Variants in AKR1C3 observed in about 807,000 individuals in gnomAD.
The protein encoded by AKR1C3 is 3-alpha hydroxysteroid dehydrogenase, type II.
In AKR1C3, 48 loss-of-function variants were observed where a neutral mutation model predicts 43.6. The ratio of observed to expected loss-of-function variants is 1.10; its 90% confidence interval spans 0.87 to 1.40. The LOEUF (loss-of-function observed/expected upper bound fraction) is 1.40. AKR1C3 is among the 40% of genes most tolerant of loss of function. The probability of loss-of-function intolerance (pLI) is 0.00; values close to 1 mark genes in which losing one functional copy is unlikely to be tolerated. For synonymous variants in AKR1C3, 162 were observed against 139.6 expected (o/e 1.16, Z -1.13); for missense variants, 482 against 391.2 (o/e 1.23, Z -1.96).
chr10:5,098,950 G>A (rs1172640006), intron 4 of AKR1C3, 71 bp downstream of exon 4: 1 of 1,247,784 alleles, frequency 8.0e-7, no homozygotes, highest in Non-Finnish European at 1.1e-6. Context: ...GGTTCAATAG[G>A]AAAGAATGGA....
At chr10:5,083,911 T>A (rs1405702501) in intron 1 of AKR1C3, among the ~76,000 whole-genome samples, 1 of 152,238 alleles carries the variant, frequency 6.6e-6, no homozygotes, top group Non-Finnish European at 1.5e-5. Flanking sequence ...CTTTGCCCAC[T>A]TTTTGATGGG....
intron 1 of AKR1C3, among the ~76,000 whole-genome samples, chr10:5,075,559 T>C (rs1838699611): frequency 6.6e-6 from 1 of 152,008 alleles, no homozygotes. Context: ...CCAAGGGAAT[T>C]TGTCATGTGG....
chr10:5,086,731 A>G (rs1372799918), intron 1 of AKR1C3, among the ~76,000 whole-genome samples: 3 of 152,122 alleles, frequency 2.0e-5, no homozygotes, highest in East Asian at 3.9e-4. Flanking sequence ...GTAGGTCACT[A>G]AGGACTTGCT....
At chr10:5,092,868 C>A (rs1554784522), upstream of AKR1C3, among the ~76,000 whole-genome samples, 9 of 151,732 alleles carry the variant, frequency 5.9e-5, no homozygotes, top group Non-Finnish European at 1.3e-4. Flanking sequence ...CTTTATATAC[C>A]TTATTATTTT....
intron 7 of AKR1C3, among the ~76,000 whole-genome samples, chr10:5,103,678 C>G (rs1839416677): frequency 6.6e-6 from 1 of 152,166 alleles, no homozygotes. Flanking sequence ...GGCATGACCC[C>G]AAGGCAGTGA....
At chr10:5,049,525 C>T (rs7076586) in intron 1 of AKR1C3, among the ~76,000 whole-genome samples, 145,415 of 152,326 alleles carry the variant, frequency 0.95, 69,478 homozygotes, top group East Asian at 0.99. Flanking sequence ...AAATTATTGG[C>T]CCTTGTTCAT....
chr10:5,100,657 A>T (rs551804630), intron 5 of AKR1C3, among the ~76,000 whole-genome samples: 1 of 152,338 alleles, frequency 6.6e-6, no homozygotes, highest in East Asian at 1.9e-4. Context: ...ATGAGTAAAG[A>T]TCTACCATTG....
chr10:5,049,006 C>A (rs1354217991), intron 1 of AKR1C3: 4 of 812,560 alleles, frequency 4.9e-6, no homozygotes, highest in Non-Finnish European at 8.3e-6. Flanking sequence ...ATGACTCCAA[C>A]CTGAGTTTCC....
chr10:5,095,835 A>G (rs1023044157), intron 1 of AKR1C3, among the ~76,000 whole-genome samples: 1 of 152,142 alleles, frequency 6.6e-6, no homozygotes, highest in Non-Finnish European at 1.5e-5. Context: ...TTGTGTAGCC[A>G]GAATGACTAT....
chr10:5,079,200 G>C (rs1280698554), intron 1 of AKR1C3, among the ~76,000 whole-genome samples: 1 of 152,176 alleles, frequency 6.6e-6, no homozygotes, highest in Non-Finnish European at 1.5e-5. Flanking sequence ...GTGTCTGAGG[G>C]TGGTATCTGC....
intron 1 of AKR1C3, among the ~76,000 whole-genome samples, chr10:5,070,233 G>A (rs782383180): frequency 6.6e-6 from 1 of 152,158 alleles, no homozygotes; most frequent in Non-Finnish European, 1.5e-5. Flanking sequence ...TAATCTTTGG[G>A]CCTAGCTTCT....
intron 1 of AKR1C3, among the ~76,000 whole-genome samples, chr10:5,049,400 A>G (rs1169274243): frequency 6.6e-6 from 1 of 152,222 alleles, no homozygotes; most frequent in African/African-American, 2.4e-5. Context: ...CTGGACCTGG[A>G]CTAAAGAGAA....
rs1839230361 is a variant in AKR1C3, at chr10:5,097,363, TAG to T, written c.253-69_253-68del. The T allele has an allele frequency of 2.6e-6, 4 of 1,556,388 alleles. No homozygotes were observed. In the Admixed American group the frequency reaches 7.8e-5, roughly 30 times the overall value. Reference sequence around the variant, plus strand: ...AAGCAGTAGGAAAATATCTAAATACTAGATGGCACAAAGTAATAAGATTTGCT... The same window carrying T: ...AAGCAGTAGGAAAATATCTAAATACTATGGCACAAAGTAATAAGATTTGCT... On this transcript the variant is annotated intron_variant, in intron 2 of 8. Transcript: ENST00000380554.
intron 1 of AKR1C3, among the ~76,000 whole-genome samples, chr10:5,087,119 G>A (rs1554783235): frequency 6.6e-6 from 1 of 152,114 alleles, no homozygotes; most frequent in Non-Finnish European, 1.5e-5. Flanking sequence ...TATGATGTTA[G>A]CTGGTTATTT....
In AKR1C3 at chr10:5,102,511, TGGA is replaced by T. The variant is rs1444817371; in HGVS notation, c.711_713del (p.Glu237del). 1 of 1,569,712 alleles carries T rather than the reference TGGA, an allele frequency of 6.4e-7. No individual in the cohort carries two copies. Among genetic ancestry groups the T allele is most frequent in the African/African-American group, 1.4e-5 (1 of 73,278 alleles). On this transcript the variant is annotated inframe_deletion, in exon 7 of 9. Transcript: ENST00000380554. Reference sequence around the variant, plus strand: ...GTGGACCCGAACTCCCCGGTGCTCTTGGAGGACCCAGTCCTTTGTGCCTTGGCA... The same window carrying T: ...GTGGACCCGAACTCCCCGGTGCTCTTGGACCCAGTCCTTTGTGCCTTGGCA...
intron 1 of AKR1C3, among the ~76,000 whole-genome samples, chr10:5,059,771 C>G (rs7099555): frequency 0.79 from 120,518 of 152,068 alleles, 47,896 homozygotes; most frequent in South Asian, 0.89. Flanking sequence ...TCAGTGATAG[C>G]TGATGGTCTC....
rs140580498 is a variant in AKR1C3, at chr10:5,099,447, C to A, written c.568C>A (p.Gln190Lys). 6.2e-6 allele frequency: 10 copies of A among 1,614,068 alleles called. No individual in the cohort carries two copies. In the South Asian group the frequency reaches 9.9e-5, roughly 16 times the overall value. ...PGLKYKPVCN[Q>K]VECHPYFNRS... ...ACTCAAGTACAAGCCTGTCTGCAAC[C>A]AGGTGAGCTCCCTTGGCCTTCTCTC... is the stretch of plus-strand genomic sequence containing the variant. The change falls in exon 5 of 9, where the codon CAG becomes AAG. Residue 190 changes from glutamine to lysine, a missense_variant and splice_region_variant. Physicochemically the swap from Gln to Lys is moderately conservative, Grantham distance 53. Coordinates refer to ENST00000380554, the MANE Select transcript of AKR1C3 (RefSeq NM_003739.6).
At chr10:5,062,235 C>A (rs1838396728) in intron 1 of AKR1C3, among the ~76,000 whole-genome samples, 1 of 152,222 alleles carries the variant, frequency 6.6e-6, no homozygotes, top group Admixed American at 6.5e-5. Flanking sequence ...TTAACCCCAT[C>A]AAAGAGGCTT....
intron 1 of AKR1C3, among the ~76,000 whole-genome samples, chr10:5,087,380 CTTTTT>C (rs71391988): frequency 4.1e-4 from 31 of 74,780 alleles, no homozygotes; most frequent in Non-Finnish European, 3.9e-4. Flanking sequence ...TCATTTCTTT[CTTTTT>C]TTTTTTTTTT....
Sources: allele counts gnomAD v4.1 joint callset (sites outside exome capture counted in the v4.1 genomes callset), GRCh38; gene constraint gnomAD v4.1.1; transcripts MANE v1.5; gene names NCBI Gene and HGNC (gene_info 2026-07-23, HGNC 2026-07-21).